MOB1B: variants seen among roughly 807,000 people sequenced by gnomAD.
The protein encoded by MOB1B is MOB1 Mps One Binder homolog B.
MOB1B carries 19 observed loss-of-function variants against 24.4 expected under a neutral mutation model. The observed-to-expected ratio is 0.78, with a 90% CI of 0.54 to 1.14. MOB1B has a LOEUF of 1.14. Among genes scored for constraint, MOB1B ranks in the 50% most tolerant of loss-of-function variants. MOB1B has a pLI of 0.00. For missense variants in MOB1B, 243 were observed against 259.6 expected (o/e 0.94, Z 0.44); for synonymous variants, 76 against 82.1 (o/e 0.93, Z 0.40).
intron 2 of MOB1B, among the ~76,000 whole-genome samples, chr4:70,969,017 T>C (rs1738650001): frequency 6.6e-6 from 1 of 152,248 alleles, no homozygotes; most frequent in Non-Finnish European, 1.5e-5. Context: ...GGCTATGTCA[T>C]AAATCAAATG....
At chr4:70,935,670 T>C (rs531697008) in intron 1 of MOB1B, among the ~76,000 whole-genome samples, 1 of 151,864 alleles carries the variant, frequency 6.6e-6, no homozygotes, top group African/African-American at 2.4e-5. Flanking sequence ...TTTTTTTTTT[T>C]CTTTTGAGAC....
intron 1 of MOB1B, among the ~76,000 whole-genome samples, chr4:70,916,110 G>C (rs1240221581): frequency 1.3e-5 from 2 of 152,154 alleles, no homozygotes; most frequent in Non-Finnish European, 2.9e-5. Context: ...TTGGTCTCTT[G>C]GGGCCTAGTG....
intron 1 of MOB1B, among the ~76,000 whole-genome samples, chr4:70,905,879 C>A (rs1042059488): frequency 2.0e-5 from 3 of 150,782 alleles, no homozygotes; most frequent in Non-Finnish European, 3.0e-5. Context: ...ACCTGGACAA[C>A]ATGGCGAAAC....
intron 3 of MOB1B, among the ~76,000 whole-genome samples, chr4:70,971,149 C>G (rs919492143): frequency 6.6e-6 from 1 of 152,194 alleles, no homozygotes; most frequent in African/African-American, 2.4e-5. Flanking sequence ...CTTATATGAA[C>G]TGTCACACTC....
intron 5 of MOB1B, 75 bp from the exon 6 acceptor site, chr4:70,981,905 A>C (rs1739224089): frequency 2.1e-6 from 2 of 966,738 alleles, no homozygotes; most frequent in African/African-American, 1.6e-5. Flanking sequence ...ACAAATGTTC[A>C]TGGTAATTTA....
intron 1 of MOB1B, among the ~76,000 whole-genome samples, chr4:70,933,542 C>CTTTTTT (rs34950388): frequency 4.4e-5 from 4 of 91,618 alleles, no homozygotes; most frequent in South Asian, 3.6e-4. Context: ...AAAAATAACT[C>CTTTTTT]TTTTTTTTTT....
intron 1 of MOB1B, among the ~76,000 whole-genome samples, chr4:70,946,523 G>GT (rs1328524489): frequency 6.6e-6 from 1 of 152,116 alleles, no homozygotes; most frequent in African/African-American, 2.4e-5. Flanking sequence ...CCCTTCATGG[G>GT]TTAGTATGGC....
At chr4:70,950,039 G>A (rs1226051305) in intron 1 of MOB1B, among the ~76,000 whole-genome samples, 1 of 152,142 alleles carries the variant, frequency 6.6e-6, no homozygotes, top group Non-Finnish European at 1.5e-5. Context: ...TGTTGTTCGT[G>A]AATGACTTGA....
chr4:70,966,688 A>G (rs2148898046), intron 2 of MOB1B, among the ~76,000 whole-genome samples: 1 of 151,898 alleles, frequency 6.6e-6, no homozygotes, highest in South Asian at 2.1e-4. Context: ...CCCACTATTT[A>G]TAAAAAATTT....
At chr4:70,960,836 C>T (rs1738275444) in intron 2 of MOB1B, among the ~76,000 whole-genome samples, 1 of 152,122 alleles carries the variant, frequency 6.6e-6, no homozygotes, top group African/African-American at 2.4e-5. Flanking sequence ...TTTGAGAGTT[C>T]ATTTACTCAT....
intron 1 of MOB1B, among the ~76,000 whole-genome samples, chr4:70,946,228 T>C (rs1421294259): frequency 6.6e-6 from 1 of 152,140 alleles, no homozygotes; most frequent in Admixed American, 6.5e-5. Flanking sequence ...TCCTTTAGAT[T>C]TGTCATAGTG....
chr4:70,909,383 C>G (rs1735888266), intron 1 of MOB1B, among the ~76,000 whole-genome samples: 1 of 151,916 alleles, frequency 6.6e-6, no homozygotes, highest in Non-Finnish European at 1.5e-5. Context: ...TAGCTCATGC[C>G]TGTAATCCCA....
intron 1 of MOB1B, among the ~76,000 whole-genome samples, chr4:70,915,959 T>C (rs891741080): frequency 2.6e-5 from 4 of 152,224 alleles, no homozygotes; most frequent in Admixed American, 2.6e-4. Flanking sequence ...AAATATTTAA[T>C]GGGGGCTTCA....
rs77875492 is a variant in MOB1B, at chr4:70,962,384, A to G, written c.181+3344A>G. On this transcript the variant is annotated intron_variant, in intron 2 of 5. Coordinates refer to ENST00000309395, the MANE Select transcript of MOB1B (RefSeq NM_173468.4). ...TCTATTTGAATTTATGAAAGAGACC[A>G]GTGGTCCATATAAATAGGCAGCTGA... 2.0e-5 allele frequency among the ~76,000 whole-genome samples: 3 copies of G among 152,362 alleles called. No individual in the cohort carries two copies. In the East Asian group the frequency reaches 5.8e-4, roughly 29 times the overall value.
chr4:70,904,690 T>C (rs1237636611), intron 1 of MOB1B, among the ~76,000 whole-genome samples: 2 of 142,788 alleles, frequency 1.4e-5, no homozygotes, highest in African/African-American at 2.7e-5. Flanking sequence ...ACCCGGGAGG[T>C]AGAGGTTGAA....
chr4:70,971,597 G>A (rs968789255), intron 3 of MOB1B, among the ~76,000 whole-genome samples: 5 of 151,898 alleles, frequency 3.3e-5, no homozygotes, highest in South Asian at 2.1e-4. Context: ...TTGTTATTTC[G>A]GGAAGATTTA....
At chr4:70,964,737 C>G (rs970444800) in intron 2 of MOB1B, among the ~76,000 whole-genome samples, 7 of 151,992 alleles carry the variant, frequency 4.6e-5, no homozygotes, top group African/African-American at 1.7e-4. Context: ...CGGGACCAGC[C>G]TGGCCAACAT....
chr4:70,935,831 C>A (rs1451086635), intron 1 of MOB1B, among the ~76,000 whole-genome samples: 1 of 147,782 alleles, frequency 6.8e-6, no homozygotes, highest in African/African-American at 2.5e-5. Context: ...TGTGTACCAC[C>A]ATGCCTGGTA....
chr4:70,950,521 G>C (rs961693151), intron 1 of MOB1B, among the ~76,000 whole-genome samples: 1 of 151,306 alleles, frequency 6.6e-6, no homozygotes, highest in African/African-American at 2.4e-5. Context: ...ATAATCTTGA[G>C]CAGAGTATGT....
Sources: allele counts gnomAD v4.1 joint callset (sites outside exome capture counted in the v4.1 genomes callset), GRCh38; gene constraint gnomAD v4.1.1; transcripts MANE v1.5; gene names NCBI Gene and HGNC (gene_info 2026-07-23, HGNC 2026-07-21).